The following INO80 variants were observed in gnomAD, a reference collection of about 807,000 sequenced individuals.
The protein encoded by INO80 is INO80 complex ATPase subunit.
Under a neutral mutation model 203.4 loss-of-function variants are expected in INO80, and 20 were observed. That is an observed-to-expected ratio of 0.10 (90% CI 0.07 to 0.14). The LOEUF is 0.14. INO80 is among the 10% of genes least tolerant of loss of function. The pLI is 1.00. For synonymous variants in INO80, 726 were observed against 685.2 expected (o/e 1.06, Z -0.93); for missense variants, 1,419 against 1,914.4 (o/e 0.74, Z 4.83).
At chr15:40,992,999 G>A (rs1331615887) in intron 29 of INO80, among the ~76,000 whole-genome samples, 1 of 152,098 alleles carries the variant, frequency 6.6e-6, no homozygotes, top group Non-Finnish European at 1.5e-5. Flanking sequence ...CTTGCTATGT[G>A]GCCCAGGCTG....
intron 24 of INO80, among the ~76,000 whole-genome samples, chr15:41,043,797 T>C (rs1421512819): frequency 6.6e-6 from 1 of 152,224 alleles, no homozygotes; most frequent in Non-Finnish European, 1.5e-5. Context: ...GCAATTCTTA[T>C]GAGGTTCCAT....
chr15:40,984,415 T>G, intron 32 of INO80, 63 bp from the exon 33 acceptor site: 1 of 1,496,606 alleles, frequency 6.7e-7, no homozygotes, highest in Non-Finnish European at 9.2e-7. Flanking sequence ...AAAGCGGGAT[T>G]TGGGAAGAAA....
rs766665949 is a variant in INO80, at chr15:41,020,872, A to G, written c.3274+28T>C. The G allele has an allele frequency of 2.1e-6, 3 of 1,441,072 alleles. No individual in the cohort carries two copies. In the South Asian group the frequency reaches 3.5e-5, roughly 17 times the overall value. 89.3% of individuals were successfully genotyped at this position (1,441,072 alleles called of 1,614,324 possible). Reference sequence around the variant, plus strand: ...GGTTCTCCCCTTGCCAAAGCGAGGAACACATTCCAAGAGGATTGAGAACTC... The same window carrying G: ...GGTTCTCCCCTTGCCAAAGCGAGGAGCACATTCCAAGAGGATTGAGAACTC... On this transcript the variant is annotated intron_variant, in intron 26 of 35. Coordinates refer to ENST00000648947, the MANE Select transcript of INO80 (RefSeq NM_017553.3).
intron 13 of INO80, 138 bp from the exon 14 acceptor site, chr15:41,069,803 A>C (rs1002917121): frequency 2.2e-5 from 13 of 600,598 alleles, no homozygotes; most frequent in Non-Finnish European, 3.2e-5. Context: ...AAATCTGCAC[A>C]TTCAATAGTA....
intron 7 of INO80, among the ~76,000 whole-genome samples, chr15:41,082,934 C>T (rs1469380225): frequency 6.6e-6 from 1 of 151,638 alleles, no homozygotes; most frequent in African/African-American, 2.4e-5. Flanking sequence ...CATCTGAGGC[C>T]TCTTCATCAG....
intron 24 of INO80, 57 bp from the exon 25 acceptor site, chr15:41,027,793 A>AT: frequency 7.2e-7 from 1 of 1,389,056 alleles, no homozygotes; most frequent in Non-Finnish European, 9.7e-7. Flanking sequence ...TGTAAGCAAA[A>AT]TGAAAAAAAA....
chr15:41,053,924 C>T lies in INO80; in HGVS notation c.2274+5G>A, dbSNP rs755211427. The T allele has an allele frequency of 8.1e-6, 13 of 1,611,250 alleles. No individual in the cohort carries two copies. The highest frequency in any genetic ancestry group is 1.0e-5 in the Non-Finnish European group (12 of 1,177,806). ...GCTTAAACACATGAGGTCTTCTTTA[C>T]TTACCTTGTCAGATAATTCATTTTC... On this transcript the variant is annotated splice_donor_5th_base_variant and intron_variant, in intron 19 of 35. Transcript: ENST00000648947.
At chr15:41,087,843 C>T (rs1463854039) in intron 5 of INO80, among the ~76,000 whole-genome samples, 161 bp from the exon 6 acceptor site, 2 of 152,076 alleles carry the variant, frequency 1.3e-5, no homozygotes, top group Non-Finnish European at 2.9e-5. Flanking sequence ...GAATCACTTA[C>T]TTAACTTCAA....
chr15:41,095,336 TG>T (rs1295464676), intron 4 of INO80, among the ~76,000 whole-genome samples: 1 of 152,184 alleles, frequency 6.6e-6, no homozygotes, highest in Non-Finnish European at 1.5e-5. Flanking sequence ...AGCAAAATGT[TG>T]TCTCAAAAAC....
Position 41,028,681 on chromosome 15 carries a change from ACT to A in INO80, c.2908-947_2908-946del, listed in dbSNP as rs373671935. ...AGACTAGCCTGGCCAACATGGCGAA[ACT>A]CTGTCTCTACTAAAAATACAGAAAT... On this transcript the variant is annotated intron_variant, in intron 24 of 35. Transcript: ENST00000648947. Among the ~76,000 whole-genome samples, 419 of 152,144 alleles carry A rather than the reference ACT, an allele frequency of 2.8e-3. 1 individual carries two copies. Among genetic ancestry groups the A allele is most frequent in the African/African-American group, 9.6e-3 (397 of 41,514 alleles).
At chr15:40,996,036 T>TGAGA (rs35496221) in intron 29 of INO80, among the ~76,000 whole-genome samples, 11 of 150,060 alleles carry the variant, frequency 7.3e-5, no homozygotes, top group African/African-American at 2.4e-4. Context: ...ATCAGATTAG[T>TGAGA]GAGAGAGAGA....
At chr15:41,060,006 T>C (rs1596301447) in intron 14 of INO80, 80 bp from the exon 15 acceptor site, 2 of 1,000,968 alleles carry the variant, frequency 2.0e-6, no homozygotes, top group East Asian at 2.6e-5. Flanking sequence ...TTCGGAACAA[T>C]TTAAAAAGAA....
intron 27 of INO80, among the ~76,000 whole-genome samples, chr15:41,006,403 T>C (rs2044040859): frequency 1.3e-5 from 2 of 152,214 alleles, no homozygotes. Context: ...AAAGTCCACT[T>C]GTAGAAGAAC....
rs186331245 is a variant in INO80 at position 41,067,393 on chromosome 15, G to T, written c.1782+2177C>A. The stretch of plus-strand genomic sequence containing the variant: ...CCGGCCAAGATCTTTTATTTTTCAA[G>T]ATCTGCATTGTTCAATATATACTGA... On this transcript the variant is annotated intron_variant, in intron 14 of 35. Transcript: ENST00000648947. 2.7e-3 allele frequency among the ~76,000 whole-genome samples: 406 copies of T among 151,902 alleles called. 2 individuals carry two copies. The highest frequency in any genetic ancestry group is 0.013 in the South Asian group (62 of 4,816).
In INO80 at chr15:41,115,964, T is replaced by A. The variant is rs1035265040; in HGVS notation, c.-44+9A>T. ...ACTCCGTTCGCCCGCCCACGTCTAGTTGCCTCACCTCGGGCCGCCTGGCCC... is the reference window on the plus strand; with the variant it reads ...ACTCCGTTCGCCCGCCCACGTCTAGATGCCTCACCTCGGGCCGCCTGGCCC... On this transcript the variant is annotated intron_variant, in intron 1 of 35. Transcript: ENST00000648947. The A allele has an allele frequency of 5.2e-6, 2 of 383,872 alleles. No individual in the cohort carries two copies. The highest frequency in any genetic ancestry group is 4.2e-5 in the African/African-American group (2 of 47,932). The allele number at this position is 383,872 out of a possible 1,614,324, so 23.8% of individuals were successfully genotyped here.
intron 29 of INO80, among the ~76,000 whole-genome samples, chr15:40,990,707 T>C (rs1391785315): frequency 6.6e-6 from 1 of 152,200 alleles, no homozygotes; most frequent in Non-Finnish European, 1.5e-5. Flanking sequence ...CCACACGACA[T>C]TTTGGTTTCA....
chr15:41,007,635 G>A (rs906409788), intron 27 of INO80, among the ~76,000 whole-genome samples: 1 of 151,958 alleles, frequency 6.6e-6, no homozygotes, highest in Non-Finnish European at 1.5e-5. Flanking sequence ...CCTGATTATA[G>A]AGAGCCTGTT....
At chr15:40,984,758 G>C (rs1448382097) in intron 32 of INO80, among the ~76,000 whole-genome samples, 1 of 152,206 alleles carries the variant, frequency 6.6e-6, no homozygotes, top group African/African-American at 2.4e-5. Flanking sequence ...CCAGCCGCTG[G>C]CACATCCAGC....
Position 41,091,971 on chromosome 15 carries a change from G to T in INO80, c.537+56C>A, listed in dbSNP as rs535945669. On this transcript the variant is annotated intron_variant, in intron 5 of 35. Coordinates refer to ENST00000648947, the MANE Select transcript of INO80 (RefSeq NM_017553.3). The stretch of plus-strand genomic sequence containing the variant: ...CCAGCCAAAATGATGTATCTTTAAT[G>T]ACTATAAAGCAGAGGGTGAATATTC... 723 of 1,450,848 alleles carry T rather than the reference G, an allele frequency of 5.0e-4. 8 individuals carry two copies. In the South Asian group the frequency reaches 9.0e-3, roughly 18 times the overall value. The allele number at this position is 1,450,848 out of a possible 1,614,324, so 89.9% of individuals were successfully genotyped here.
Sources: allele counts gnomAD v4.1 joint callset (sites outside exome capture counted in the v4.1 genomes callset), GRCh38; gene constraint gnomAD v4.1.1; transcripts MANE v1.5; gene names NCBI Gene and HGNC (gene_info 2026-07-23, HGNC 2026-07-21).